KLRG2: variants seen among roughly 807,000 people sequenced by gnomAD.
The protein encoded by KLRG2 is killer cell lectin like receptor G2, also known as killer cell lectin-like receptor subfamily G member 2.
Under a neutral mutation model 35.4 loss-of-function variants are expected in KLRG2, and 39 were observed. The observed-to-expected ratio is 1.10, with a 90% CI of 0.85 to 1.44. The LOEUF (loss-of-function observed/expected upper bound fraction) is 1.44, where lower values mean the gene tolerates loss of function less well. KLRG2 is among the 40% of genes most tolerant of loss of function. The pLI is 0.00. For synonymous variants in KLRG2, 283 were observed against 265.8 expected, an observed-to-expected ratio of 1.06 and a Z score of -0.63; for missense variants, 632 against 570.9, an observed-to-expected ratio of 1.11 and a Z score of -1.09.
In KLRG2 at chr7:139,480,165, C is replaced by T. The variant is rs753773965; in HGVS notation, c.840G>A (p.Val280=). The T allele has an allele frequency of 3.7e-6, 6 of 1,613,666 alleles. No homozygotes were observed. The highest frequency in any genetic ancestry group is 1.1e-5 in the South Asian group (1 of 91,066). Residue 280 remains valine (V), a synonymous_variant, in exon 2 of 5, where the codon GTG becomes GTA. Coordinates refer to ENST00000340940, the MANE Select transcript of KLRG2 (RefSeq NM_198508.4). ...VLLAVSGVVI[V]VLASRAGARC... ...CCATACCTGCTCTTGAGGCCAGGACCACAATGACAACCCCAGAGACTGCCA... is the reference window on the plus strand; with the variant it reads ...CCATACCTGCTCTTGAGGCCAGGACTACAATGACAACCCCAGAGACTGCCA...
downstream of KLRG2, among the ~76,000 whole-genome samples, chr7:139,451,053 C>T (rs555360695): frequency 3.3e-5 from 5 of 152,318 alleles, no homozygotes; most frequent in African/African-American, 1.2e-4. Flanking sequence ...CACCGCATTG[C>T]TGGCTGAGCA....
intron 3 of KLRG2, among the ~76,000 whole-genome samples, chr7:139,458,431 AT>A (rs1796513650): frequency 6.6e-6 from 1 of 152,152 alleles, no homozygotes; most frequent in South Asian, 2.1e-4. Context: ...AAAATTTACC[AT>A]TTTAACCATG....
In KLRG2 at chr7:139,453,688, C is replaced by T; in HGVS notation, c.1129G>A (p.Asp377Asn). Residue 377 changes from aspartate to asparagine, a missense_variant, in exon 5 of 5, where the codon GAC becomes AAC. Asp to Asn is a conservative substitution (Grantham distance 23, BLOSUM62 1). Transcript: ENST00000340940. ...GCCCCACAGTTGATATCCAGATTGTCCTCGCCGTCCTCAGGGAGTCTGGGA... is the reference window on the plus strand; with the variant it reads ...GCCCCACAGTTGATATCCAGATTGTTCTCGCCGTCCTCAGGGAGTCTGGGA... ...PPQLLPEDGE[D>N]NLDINCGALE... The T allele has an allele frequency of 6.2e-7, 1 of 1,614,134 alleles. No individual in the cohort carries two copies. Among genetic ancestry groups the T allele is most frequent in the Admixed American group, 1.7e-5 (1 of 60,016 alleles).
chr7:139,433,915 A>G, the KLRG2 span, among the ~76,000 whole-genome samples: 41,820 of 151,966 alleles, frequency 0.28, 6,321 homozygotes, highest in Middle Eastern at 0.4. Context: ...GGAGCACTTC[A>G]GTGTGAGCCA....
the KLRG2 span, among the ~76,000 whole-genome samples, chr7:139,447,310 G>A: frequency 1.3e-5 from 2 of 151,870 alleles, no homozygotes; most frequent in South Asian, 2.1e-4. Context: ...GCCTCCTACC[G>A]ACCTGGGCCA....
At position 139,453,702 on chromosome 7, in the gene KLRG2, G is replaced by C; in HGVS notation, c.1115C>G (p.Pro372Arg). 1 of 1,614,088 alleles carries C rather than the reference G, an allele frequency of 6.2e-7. No individual in the cohort carries two copies. Among genetic ancestry groups the C allele is most frequent in the Non-Finnish European group, 8.5e-7 (1 of 1,180,008 alleles). ...DEAPLPPQLL[P>R]EDGEDNLDIN... ...ATCCAGATTGTCCTCGCCGTCCTCA[G>C]GGAGTCTGGGAAAGGATGGGAGGGG... is the stretch of plus-strand genomic sequence containing the variant. The change falls in exon 5 of 5, where the codon CCT becomes CGT. Residue 372 changes from proline to arginine, a missense_variant. Physicochemically the swap from Pro to Arg is moderately radical, Grantham distance 103. Coordinates refer to ENST00000340940, the MANE Select transcript of KLRG2 (RefSeq NM_198508.4).
intron 3 of KLRG2, among the ~76,000 whole-genome samples, chr7:139,467,754 C>T (rs905410279): frequency 6.6e-6 from 1 of 152,052 alleles, no homozygotes; most frequent in Non-Finnish European, 1.5e-5. Context: ...AGGTTTCTCC[C>T]CATGGGATAG....
the KLRG2 span, among the ~76,000 whole-genome samples, chr7:139,445,793 G>GTATATATATATATATATATA: frequency 2.5e-4 from 24 of 95,498 alleles, no homozygotes; most frequent in South Asian, 5.0e-3. Flanking sequence ...ATATATATAT[G>GTATATATATATATATATATA]TGTGTATATA....
At position 139,482,948 on chromosome 7, in the gene KLRG2, G is replaced by A. The variant is rs1796987880; in HGVS notation, c.695C>T (p.Ala232Val). 4 of 1,481,268 alleles carry A rather than the reference G, an allele frequency of 2.7e-6. No individual in the cohort carries two copies. Among genetic ancestry groups the A allele is most frequent in the Admixed American group, 2.4e-5 (1 of 41,484 alleles). 91.8% of individuals were successfully genotyped at this position (1,481,268 alleles called of 1,614,324 possible). A position where few individuals can be genotyped will look rare whatever the true frequency, so the allele number is the denominator to read the frequency against. ...KELGLEKEDA[A>V]LLPRAGLDGD... is the part of the protein sequence containing the mutation. ...GTCCAACCCCGCGCGGGGCAACAGC[G>A]CCGCATCCTCCTTCTCCAGCCCCAG... is the stretch of plus-strand genomic sequence containing the variant. Residue 232 changes from alanine to valine, a missense_variant, in exon 1 of 5, where the codon GCG becomes GTG. Transcript: ENST00000340940.
chr7:139,479,043 C>T lies in KLRG2; in HGVS notation c.1005+584G>A, dbSNP rs146948347. 3.5e-3 allele frequency among the ~76,000 whole-genome samples: 531 copies of T among 152,126 alleles called. 3 individuals carry two copies. The highest frequency in any genetic ancestry group is 0.012 in the African/African-American group (505 of 41,494). On this transcript the variant is annotated intron_variant, in intron 3 of 4. Coordinates refer to ENST00000340940, the MANE Select transcript of KLRG2 (RefSeq NM_198508.4). ...AAGTTTGAACCAGCCTGGCCAACAT[C>T]GTGAGACCCTGTCCCTTAAAAAAAA...
At chr7:139,461,760 C>T (rs2116442336) in intron 3 of KLRG2, among the ~76,000 whole-genome samples, 1 of 152,234 alleles carries the variant, frequency 6.6e-6, no homozygotes, top group African/African-American at 2.4e-5. Context: ...TCTCCCTTCG[C>T]TGACTCTTTT....
At chr7:139,433,310 GGT>G in the KLRG2 span, among the ~76,000 whole-genome samples, 6 of 119,854 alleles carry the variant, frequency 5.0e-5, no homozygotes, top group African/African-American at 1.7e-4. Context: ...TGTGGTGTGT[GGT>G]TTTTTTTTTG....
intron 3 of KLRG2, among the ~76,000 whole-genome samples, chr7:139,474,739 C>T (rs768087344): frequency 3.9e-5 from 6 of 151,914 alleles, no homozygotes; most frequent in East Asian, 3.9e-4. Context: ...CCAGCCTGGG[C>T]GACAGAGTGA....
intron 3 of KLRG2, among the ~76,000 whole-genome samples, chr7:139,470,205 G>A (rs967125631): frequency 6.6e-6 from 1 of 151,948 alleles, no homozygotes; most frequent in African/African-American, 2.4e-5. Flanking sequence ...CTACATGTGT[G>A]TGCCACCATG....
the KLRG2 span, among the ~76,000 whole-genome samples, chr7:139,430,809 A>G: frequency 6.6e-6 from 1 of 151,958 alleles, no homozygotes; most frequent in South Asian, 2.1e-4. Flanking sequence ...AGCAGTTCGA[A>G]ACCAGCCTGG....
Position 139,453,323 on chromosome 7 carries a change from C to A in KLRG2, c.*264G>T. 1 of 522,238 alleles carries A rather than the reference C, an allele frequency of 1.9e-6. No homozygotes were observed. Among genetic ancestry groups the A allele is most frequent in the Non-Finnish European group, 3.3e-6 (1 of 300,540 alleles). 32.4% of individuals were successfully genotyped at this position (522,238 alleles called of 1,614,324 possible). Reference sequence around the variant, plus strand: ...AGGCACAGAAATGCTAAACAACCATCCCAATGTCATCAAACCGATCATCCA... The same window carrying A: ...AGGCACAGAAATGCTAAACAACCATACCAATGTCATCAAACCGATCATCCA... On this transcript the variant is annotated 3_prime_UTR_variant, in exon 5 of 5. Transcript: ENST00000340940.
intron 3 of KLRG2, among the ~76,000 whole-genome samples, chr7:139,463,391 C>T (rs1167754814): frequency 6.6e-6 from 1 of 152,174 alleles, no homozygotes; most frequent in African/African-American, 2.4e-5. Flanking sequence ...AATAATAGAG[C>T]AGAGGCAGCC....
downstream of KLRG2, among the ~76,000 whole-genome samples, chr7:139,450,518 T>C (rs370627595): frequency 1.1e-4 from 17 of 152,252 alleles, no homozygotes; most frequent in South Asian, 2.5e-3. Flanking sequence ...CCACTGCGCC[T>C]AGCCATATTA....
At chr7:139,472,650 A>T (rs185860562) in intron 3 of KLRG2, among the ~76,000 whole-genome samples, 441 of 152,072 alleles carry the variant, frequency 2.9e-3, no homozygotes, top group African/African-American at 1.0e-2. Flanking sequence ...AAGCTGGACA[A>T]CTGTAACAGC....
Sources: allele counts gnomAD v4.1 joint callset (sites outside exome capture counted in the v4.1 genomes callset), GRCh38; gene constraint gnomAD v4.1.1; transcripts MANE v1.5; gene names NCBI Gene and HGNC (gene_info 2026-07-23, HGNC 2026-07-21).